The following NOS1AP variants were observed in gnomAD, a reference collection of about 807,000 sequenced individuals.
The protein encoded by NOS1AP is carboxyl-terminal PDZ ligand of neuronal nitric oxide synthase protein.
Under a neutral mutation model 56.2 loss-of-function variants are expected in NOS1AP, and 21 were observed. That is an observed-to-expected ratio of 0.37 (90% CI 0.26 to 0.54). The LOEUF is 0.54. Among genes scored for constraint, NOS1AP ranks in the 20% least tolerant of loss-of-function variants. NOS1AP has a pLI of 0.84. For synonymous variants in NOS1AP, 270 were observed against 274.6 expected (o/e 0.98, Z 0.17); for missense variants, 522 against 657.8 (o/e 0.79, Z 2.26).
rs549576415 is a variant in NOS1AP at position 162,194,917 on chromosome 1, G to A, written c.177+40441G>A. ...ATTTTATATCCAGCATTATTTTGGA[G>A]GACCTGGCCAGCAGTATTTCCCCTG... On this transcript the variant is annotated intron_variant, in intron 2 of 9. Coordinates refer to ENST00000361897, the MANE Select transcript of NOS1AP (RefSeq NM_014697.3). 1.8e-3 allele frequency among the ~76,000 whole-genome samples: 268 copies of A among 152,272 alleles called. 2 individuals are homozygous for A. The highest frequency in any genetic ancestry group is 6.3e-3 in the African/African-American group (260 of 41,554).
intron 2 of NOS1AP, among the ~76,000 whole-genome samples, chr1:162,266,813 T>C (rs1654437751): frequency 6.6e-6 from 1 of 152,226 alleles, no homozygotes; most frequent in African/African-American, 2.4e-5. Flanking sequence ...TTCTGATCTT[T>C]TGTGCTTTTC....
At chr1:162,176,255 C>T (rs1346536850) in intron 2 of NOS1AP, among the ~76,000 whole-genome samples, 1 of 152,098 alleles carries the variant, frequency 6.6e-6, no homozygotes, top group African/African-American at 2.4e-5. Context: ...ATGTCCTATA[C>T]TTACATTACA....
At chr1:162,339,703 C>G (rs1657047331) in intron 5 of NOS1AP, among the ~76,000 whole-genome samples, 1 of 152,198 alleles carries the variant, frequency 6.6e-6, no homozygotes, top group South Asian at 2.1e-4. Flanking sequence ...AAAATCCCAG[C>G]GTGTGTGATT....
intron 1 of NOS1AP, among the ~76,000 whole-genome samples, chr1:162,149,776 T>G (rs1291300234): frequency 6.6e-6 from 1 of 152,218 alleles, no homozygotes; most frequent in African/African-American, 2.4e-5. Flanking sequence ...TCCAGACACA[T>G]TCTCAAAAAG....
chr1:162,205,151 C>G (rs1652118681), intron 2 of NOS1AP, among the ~76,000 whole-genome samples: 1 of 152,182 alleles, frequency 6.6e-6, no homozygotes, highest in African/African-American at 2.4e-5. Flanking sequence ...AAAAGAAGCC[C>G]TGTGAACCCC....
At chr1:162,281,855 T>G (rs1654940478) in intron 2 of NOS1AP, among the ~76,000 whole-genome samples, 1 of 152,200 alleles carries the variant, frequency 6.6e-6, no homozygotes, top group Non-Finnish European at 1.5e-5. Flanking sequence ...GCGCGGTGGC[T>G]CACGCCTGTA....
At chr1:162,200,269 T>G (rs2102165557) in intron 2 of NOS1AP, among the ~76,000 whole-genome samples, 1 of 152,252 alleles carries the variant, frequency 6.6e-6, no homozygotes, top group South Asian at 2.1e-4. Flanking sequence ...ACTCCTGTGG[T>G]TTTTCTATGA....
intron 6 of NOS1AP, among the ~76,000 whole-genome samples, chr1:162,344,218 G>A (rs1347101808): frequency 6.6e-6 from 1 of 152,168 alleles, no homozygotes; most frequent in Non-Finnish European, 1.5e-5. Context: ...AGGTAGAGCT[G>A]CTATACTACC....
At chr1:162,261,545 A>C (rs9701247) in intron 2 of NOS1AP, among the ~76,000 whole-genome samples, 6,489 of 47,020 alleles carry the variant, frequency 0.14, 2,462 homozygotes, top group East Asian at 0.25. Context: ...AGAGAGAGAG[A>C]GCAATGAAAT....
chr1:162,115,065 TTTTG>T, intron 1 of NOS1AP, among the ~76,000 whole-genome samples: 1 of 152,318 alleles, frequency 6.6e-6, no homozygotes, highest in South Asian at 2.1e-4. Flanking sequence ...TTGCATTTGT[TTTTG>T]TTCATTCACT....
At chr1:162,325,588 G>A (rs918805556) in intron 4 of NOS1AP, among the ~76,000 whole-genome samples, 2 of 152,070 alleles carry the variant, frequency 1.3e-5, no homozygotes, top group African/African-American at 2.4e-5. Context: ...CCTTCTTCCC[G>A]AGACCAGGAG....
At chr1:162,110,890 G>A (rs1454857871) in intron 1 of NOS1AP, among the ~76,000 whole-genome samples, 3 of 152,334 alleles carry the variant, frequency 2.0e-5, no homozygotes, top group South Asian at 2.1e-4. Flanking sequence ...TTGAATCCAG[G>A]ACTGTCTGAT....
chr1:162,079,320 TAATTGTCATTTCTC>T (rs1691838057), intron 1 of NOS1AP, among the ~76,000 whole-genome samples: 1 of 152,222 alleles, frequency 6.6e-6, no homozygotes, highest in African/African-American at 2.4e-5. Context: ...CAGGAGTAGG[TAATTGTCATTTCTC>T]AATTGTCATT....
chr1:162,245,419 T>G (rs561469616), intron 2 of NOS1AP, among the ~76,000 whole-genome samples: 1 of 152,336 alleles, frequency 6.6e-6, no homozygotes, highest in Admixed American at 6.5e-5. Flanking sequence ...AACTCTCACA[T>G]AATGCTGGTG....
intron 2 of NOS1AP, among the ~76,000 whole-genome samples, chr1:162,163,977 A>G (rs1421302348): frequency 1.3e-5 from 2 of 152,224 alleles, no homozygotes; most frequent in Non-Finnish European, 2.9e-5. Context: ...TGCTGAATGC[A>G]TTATCTGTCA....
intron 1 of NOS1AP, among the ~76,000 whole-genome samples, chr1:162,096,961 T>A (rs754044101): frequency 2.6e-5 from 4 of 152,194 alleles, no homozygotes; most frequent in African/African-American, 4.8e-5. Flanking sequence ...ATTGTGGAAT[T>A]GTAGGACCAT....
rs533559537 is a variant in NOS1AP, at chr1:162,192,351, G to A, written c.177+37875G>A. The stretch of plus-strand genomic sequence containing the variant: ...CAGATTGTCCTGTTAAACTGGGAAA[G>A]GGCTCAGGAAAGTTCAAAAGGGATG... On this transcript the variant is annotated intron_variant, in intron 2 of 9. Coordinates refer to ENST00000361897, the MANE Select transcript of NOS1AP (RefSeq NM_014697.3). Among the ~76,000 whole-genome samples, 364 of 152,300 alleles carry A rather than the reference G, an allele frequency of 2.4e-3. 4 individuals are homozygous for A. Among genetic ancestry groups the A allele is most frequent in the African/African-American group, 8.3e-3 (343 of 41,556 alleles).
At chr1:162,080,996 T>A (rs1168993150) in intron 1 of NOS1AP, among the ~76,000 whole-genome samples, 1 of 152,182 alleles carries the variant, frequency 6.6e-6, no homozygotes, top group Non-Finnish European at 1.5e-5. Flanking sequence ...AGTGGGTAGA[T>A]CCCAGAGTCA....
rs144930532 is a variant in NOS1AP at position 162,349,729 on chromosome 1, A to G, written c.596-5458A>G. On this transcript the variant is annotated intron_variant, in intron 6 of 9. Coordinates refer to ENST00000361897, the MANE Select transcript of NOS1AP (RefSeq NM_014697.3). ...TCCAATGCAGACTCCAGAATACATG[A>G]CCTCATCTGTACAGTGAGGGAGCTA... Among the ~76,000 whole-genome samples the G allele has an allele frequency of 1.4e-3, 219 of 152,296 alleles. 1 individual carries two copies. In the Middle Eastern group the frequency reaches 0.017, roughly 12 times the overall value.
Sources: gnomAD v4.1 joint callset for allele counts (sites outside exome capture counted in the v4.1 genomes callset) on GRCh38, gnomAD v4.1.1 for gene constraint, MANE v1.5 for transcripts, NCBI Gene and HGNC (gene_info 2026-07-23, HGNC 2026-07-21) for gene names.